The following CLEC16A variants were observed in gnomAD, a reference collection of about 807,000 sequenced individuals.
CLEC16A encodes the protein C-type lectin domain containing 16A, also known as protein CLEC16A.
Under a neutral mutation model 109.5 loss-of-function variants are expected in CLEC16A, and 51 were observed. The observed-to-expected ratio is 0.47, with a 90% CI of 0.37 to 0.59. CLEC16A has a LOEUF of 0.59. Ranked by LOEUF, CLEC16A falls within the 20% of genes least tolerant of loss-of-function variation. The pLI is 0.00. For missense variants in CLEC16A, 1,339 were observed against 1,394.0 expected (o/e 0.96, Z 0.63); for synonymous variants, 673 against 564.2 (o/e 1.19, Z -2.73).
At chr16:11,017,196 G>A (rs1014389702) in intron 11 of CLEC16A, among the ~76,000 whole-genome samples, 9 of 152,134 alleles carry the variant, frequency 5.9e-5, no homozygotes, top group Non-Finnish European at 8.8e-5. Context: ...ACTCGGGCCC[G>A]CTGCCAAAAC....
chr16:10,952,611 C>T (rs941942391), intron 1 of CLEC16A, among the ~76,000 whole-genome samples: 1 of 152,186 alleles, frequency 6.6e-6, no homozygotes, highest in Non-Finnish European at 1.5e-5. Flanking sequence ...AATCTTAATC[C>T]ATTCAGCCTT....
intron 22 of CLEC16A, among the ~76,000 whole-genome samples, chr16:11,155,999 C>T (rs116582178): frequency 0.012 from 1,865 of 152,258 alleles, 29 homozygotes; most frequent in African/African-American, 0.043. Flanking sequence ...ACACACTGTA[C>T]GGCCTCCCTG....
chr16:10,968,420 G>A (rs776619871), intron 3 of CLEC16A, among the ~76,000 whole-genome samples: 2 of 152,252 alleles, frequency 1.3e-5, no homozygotes, highest in Non-Finnish European at 2.9e-5. Context: ...GGCGCTGGGA[G>A]CTGGGGAATG....
chr16:11,157,027 G>A (rs1567402990), intron 22 of CLEC16A: 2 of 1,282,720 alleles, frequency 1.6e-6, no homozygotes, highest in Non-Finnish European at 2.1e-6. Flanking sequence ...GCACAATTAG[G>A]ACACAGAGAG....
intron 19 of CLEC16A, among the ~76,000 whole-genome samples, chr16:11,104,987 A>G (rs557487786): frequency 1.9e-4 from 29 of 152,344 alleles, no homozygotes; most frequent in African/African-American, 5.3e-4. Flanking sequence ...GTGTGAACCT[A>G]GATTCCATGT....
intron 10 of CLEC16A, among the ~76,000 whole-genome samples, chr16:10,997,679 A>G (rs543113962): frequency 6.6e-6 from 1 of 152,362 alleles, no homozygotes; most frequent in South Asian, 2.1e-4. Flanking sequence ...AGTGATGTAG[A>G]CGCAGGTAGA....
chr16:11,129,762 CTT>C lies in CLEC16A; in HGVS notation c.2641+3633_2641+3634del, dbSNP rs34035128. On this transcript the variant is annotated intron_variant, in intron 22 of 23. Transcript: ENST00000409790. ...TCCCGCCACTGCATTGGCCTGGTTC[CTT>C]TTTTTTTTTTTTTTTTGAGATGGAG... Among the ~76,000 whole-genome samples, 198 of 125,496 alleles carry C rather than the reference CTT, an allele frequency of 1.6e-3. 1 individual carries two copies. Among genetic ancestry groups the C allele is most frequent in the African/African-American group, 5.5e-3 (164 of 29,762 alleles). The allele number at this position is 125,496 out of a possible 152,430, so 82.3% of individuals were successfully genotyped here.
intron 19 of CLEC16A, among the ~76,000 whole-genome samples, chr16:11,104,598 A>G (rs1389108279): frequency 1.3e-5 from 2 of 152,174 alleles, no homozygotes; most frequent in Non-Finnish European, 2.9e-5. Context: ...ATGTAGCCCC[A>G]TCTTCAAGAA....
chr16:11,110,624 G>A (rs1261301908), intron 19 of CLEC16A, among the ~76,000 whole-genome samples: 1 of 152,096 alleles, frequency 6.6e-6, no homozygotes, highest in East Asian at 1.9e-4. Flanking sequence ...TGGCACTTCC[G>A]AGCAATTTGA....
intron 22 of CLEC16A, among the ~76,000 whole-genome samples, chr16:11,158,453 C>G (rs1211308983): frequency 6.6e-6 from 1 of 152,212 alleles, no homozygotes; most frequent in Non-Finnish European, 1.5e-5. Context: ...AGGCAGCTCT[C>G]CTGTCCAAAT....
intron 6 of CLEC16A, 76 bp downstream of exon 6, chr16:10,972,635 A>C (rs1248541334): frequency 7.3e-7 from 1 of 1,365,400 alleles, no homozygotes; most frequent in African/African-American, 1.4e-5. Context: ...GAATGGTGTA[A>C]TTCTCAGTGT....
intron 19 of CLEC16A, among the ~76,000 whole-genome samples, chr16:11,098,722 G>A (rs1209793764): frequency 1.3e-5 from 2 of 152,240 alleles, no homozygotes; most frequent in African/African-American, 4.8e-5. Flanking sequence ...CCAAGACGCT[G>A]TGTGTGAGCT....
At chr16:11,025,750 AAGTT>A (rs1345434116) in intron 13 of CLEC16A, among the ~76,000 whole-genome samples, 1 of 42,506 alleles carries the variant, frequency 2.4e-5, no homozygotes, top group Non-Finnish European at 4.4e-5. Context: ...TGATATAACT[AAGTT>A]TATGTGTTCT....
chr16:11,090,214 T>A (rs2050228460), intron 19 of CLEC16A, among the ~76,000 whole-genome samples: 1 of 152,140 alleles, frequency 6.6e-6, no homozygotes, highest in Admixed American at 6.5e-5. Flanking sequence ...GAGTGAGCTG[T>A]CAGACATTCA....
chr16:10,977,903 T>A (rs767055708), intron 8 of CLEC16A, among the ~76,000 whole-genome samples: 2 of 152,078 alleles, frequency 1.3e-5, no homozygotes, highest in African/African-American at 2.4e-5. Flanking sequence ...TGTGTGTGTG[T>A]GAGAAGACTA....
chr16:11,142,849 C>CA (rs1213949238), intron 22 of CLEC16A, among the ~76,000 whole-genome samples: 2 of 152,296 alleles, frequency 1.3e-5, no homozygotes, highest in African/African-American at 4.8e-5. Flanking sequence ...CTTGCTCTAT[C>CA]ACCCAGGCTG....
intron 13 of CLEC16A, among the ~76,000 whole-genome samples, chr16:11,036,544 CTTTTTTTTT>C (rs71404440): frequency 3.0e-5 from 4 of 131,902 alleles, no homozygotes; most frequent in Admixed American, 1.6e-4. Context: ...TCTAATTTTC[CTTTTTTTTT>C]TTTTTTTTTT....
At chr16:11,094,825 G>A (rs759610077) in intron 19 of CLEC16A, among the ~76,000 whole-genome samples, 4 of 152,240 alleles carry the variant, frequency 2.6e-5, no homozygotes, top group Non-Finnish European at 4.4e-5. Flanking sequence ...AAAGCCTGTA[G>A]AATGAATCAA....
intron 17 of CLEC16A, chr16:11,048,382 C>G (rs1380731804): frequency 3.9e-5 from 6 of 152,278 alleles, no homozygotes; most frequent in Non-Finnish European, 8.8e-5. Flanking sequence ...GCGTTTGTCT[C>G]TGTTATCCCA....
Sources: gnomAD v4.1 joint callset for allele counts (sites outside exome capture counted in the v4.1 genomes callset) on GRCh38, gnomAD v4.1.1 for gene constraint, MANE v1.5 for transcripts, NCBI Gene and HGNC (gene_info 2026-07-23, HGNC 2026-07-21) for gene names.